MARCHF1: variants seen among roughly 807,000 people sequenced by gnomAD.
MARCHF1 encodes the protein membrane associated ring-CH-type finger 1, also known as E3 ubiquitin-protein ligase MARCHF1.
In MARCHF1, 40 loss-of-function variants were observed where a neutral mutation model predicts 54.2. That is an observed-to-expected ratio of 0.74 (90% CI 0.57 to 0.96). The LOEUF (loss-of-function observed/expected upper bound fraction) is 0.96. Ranked by LOEUF, MARCHF1 falls within the 40% of genes least tolerant of loss-of-function variation. The pLI is 0.00. For missense variants in MARCHF1, 586 were observed against 656.5 expected (o/e 0.89, Z 1.17); for synonymous variants, 236 against 236.3 (o/e 1.00, Z 0.01).
chr4:164,073,395 A>T (rs1246243248), intron 2 of MARCHF1, among the ~76,000 whole-genome samples: 1 of 152,144 alleles, frequency 6.6e-6, no homozygotes, highest in African/African-American at 2.4e-5. Context: ...CTAACACAAG[A>T]AGAGAAAACC....
At chr4:163,945,013 C>T (rs1360028941) in intron 3 of MARCHF1, among the ~76,000 whole-genome samples, 1 of 152,116 alleles carries the variant, frequency 6.6e-6, no homozygotes, top group Non-Finnish European at 1.5e-5. Flanking sequence ...ATGGTACAGC[C>T]TTAAGGGTAC....
intron 1 of MARCHF1, among the ~76,000 whole-genome samples, chr4:164,142,029 G>T (rs1420641941): frequency 2.6e-5 from 4 of 152,158 alleles, no homozygotes; most frequent in Non-Finnish European, 5.9e-5. Context: ...GGGTCAGGGA[G>T]TTCCCTTTCC....
intron 2 of MARCHF1, among the ~76,000 whole-genome samples, chr4:164,075,730 C>T (rs1754963174): frequency 6.6e-6 from 1 of 152,172 alleles, no homozygotes; most frequent in African/African-American, 2.4e-5. Flanking sequence ...ATTGATTTAA[C>T]ACATGCTTTT....
chr4:164,098,191 T>C (rs1173471631), intron 2 of MARCHF1, among the ~76,000 whole-genome samples: 1 of 152,222 alleles, frequency 6.6e-6, no homozygotes, highest in Admixed American at 6.5e-5. Flanking sequence ...TATCATAAGA[T>C]AATCATAAGG....
At chr4:164,182,179 C>T (rs949981996) in intron 1 of MARCHF1, among the ~76,000 whole-genome samples, 8 of 152,062 alleles carry the variant, frequency 5.3e-5, no homozygotes, top group Non-Finnish European at 1.0e-4. Flanking sequence ...AATGTGGCTC[C>T]CTCTAGATCT....
chr4:163,676,185 C>CAAAAAAAAA (rs869219643), intron 5 of MARCHF1, among the ~76,000 whole-genome samples: 298 of 87,860 alleles, frequency 3.4e-3, no homozygotes, highest in East Asian at 7.0e-3. Flanking sequence ...ACTAAAAATA[C>CAAAAAAAAA]AAAAAAAAAA....
intron 4 of MARCHF1, among the ~76,000 whole-genome samples, chr4:163,791,479 A>G (rs146741093): frequency 4.6e-5 from 7 of 152,288 alleles, no homozygotes; most frequent in African/African-American, 1.4e-4. Flanking sequence ...CTTGCAAAAT[A>G]ATTTGTCAAT....
intron 5 of MARCHF1, among the ~76,000 whole-genome samples, chr4:163,646,731 T>A (rs1306128512): frequency 6.6e-6 from 1 of 152,008 alleles, no homozygotes; most frequent in Non-Finnish European, 1.5e-5. Flanking sequence ...TTATGAAGTG[T>A]CAGGAAAACA....
intron 1 of MARCHF1, among the ~76,000 whole-genome samples, chr4:164,265,704 C>G (rs1401414842): frequency 6.6e-6 from 1 of 151,988 alleles, no homozygotes; most frequent in Non-Finnish European, 1.5e-5. Flanking sequence ...TTGTCTCTTT[C>G]CCAGATCCAG....
Position 163,690,152 on chromosome 4 carries a change from T to C in MARCHF1, c.162+10661A>G, listed in dbSNP as rs1354600534. On this transcript the variant is annotated intron_variant, in intron 5 of 9. Transcript: ENST00000514618. ...ACTACTTGCCAACAGAAATCCCATG[T>C]CCCATTGTGTTTGATTTGTGAGCCA... Among the ~76,000 whole-genome samples the C allele has an allele frequency of 3.9e-5, 6 of 152,188 alleles. No homozygotes were observed. In the South Asian group the frequency reaches 1.2e-3, roughly 32 times the overall value.
chr4:164,163,013 GA>G (rs1440950260), intron 1 of MARCHF1, among the ~76,000 whole-genome samples: 1 of 151,888 alleles, frequency 6.6e-6, no homozygotes, highest in Non-Finnish European at 1.5e-5. Flanking sequence ...AGTCAGCCTG[GA>G]ATTCTACACT....
At chr4:164,034,071 ATAGATAG>A (rs1753940603) in intron 2 of MARCHF1, among the ~76,000 whole-genome samples, 1 of 35,442 alleles carries the variant, frequency 2.8e-5, no homozygotes, top group African/African-American at 2.8e-4. Flanking sequence ...TGATAGACAG[ATAGATAG>A]ATAGATAGAT....
In MARCHF1 at chr4:163,714,475, A is replaced by G. The variant is rs561657582; in HGVS notation, c.112-13612T>C. On this transcript the variant is annotated intron_variant, in intron 4 of 9. Transcript: ENST00000514618. ...TATTATTCTACCACCATTACTTAAT[A>G]AACTGTTTCTCAATGGAAGAGACTA... 1.2e-4 allele frequency among the ~76,000 whole-genome samples: 19 copies of G among 152,342 alleles called. No homozygotes were observed. In the South Asian group the frequency reaches 3.7e-3, roughly 30 times the overall value.
intron 4 of MARCHF1, among the ~76,000 whole-genome samples, chr4:163,792,352 A>C (rs551287499): frequency 6.6e-6 from 1 of 152,182 alleles, no homozygotes; most frequent in African/African-American, 2.4e-5. Context: ...TTTTGTTTCA[A>C]TGGATTGTAA....
At chr4:163,953,753 A>G (rs1560834066) in intron 3 of MARCHF1, among the ~76,000 whole-genome samples, 3 of 152,228 alleles carry the variant, frequency 2.0e-5, no homozygotes, top group African/African-American at 7.2e-5. Flanking sequence ...AAAAAAATCA[A>G]AAGAATAATA....
chr4:163,600,396 T>C (rs1471851500), intron 7 of MARCHF1, among the ~76,000 whole-genome samples: 1 of 152,084 alleles, frequency 6.6e-6, no homozygotes, highest in African/African-American at 2.4e-5. Flanking sequence ...CCTGGCAGCA[T>C]TAAAAACATA....
intron 1 of MARCHF1, among the ~76,000 whole-genome samples, chr4:164,265,465 C>T (rs1436291179): frequency 7.1e-6 from 1 of 140,298 alleles, no homozygotes; most frequent in Non-Finnish European, 1.5e-5. Context: ...TAATAGTAGG[C>T]ACCTAATATT....
chr4:163,854,662 T>C (rs1051729388), intron 3 of MARCHF1, among the ~76,000 whole-genome samples: 5 of 152,170 alleles, frequency 3.3e-5, no homozygotes, highest in African/African-American at 7.2e-5. Flanking sequence ...TTCTCTCTTA[T>C]AAAGTTCTGC....
chr4:163,738,379 C>T (rs1044518423), intron 4 of MARCHF1, among the ~76,000 whole-genome samples: 4 of 152,008 alleles, frequency 2.6e-5, no homozygotes, highest in Non-Finnish European at 4.4e-5. Flanking sequence ...TTCCCTCATG[C>T]CTTATTAAAT....
Sources: gnomAD v4.1 joint callset for allele counts (sites outside exome capture counted in the v4.1 genomes callset) on GRCh38, gnomAD v4.1.1 for gene constraint, MANE v1.5 for transcripts, NCBI Gene and HGNC (gene_info 2026-07-23, HGNC 2026-07-21) for gene names.